Variants in UHMK1 observed in about 807,000 individuals in gnomAD.
UHMK1 encodes the protein U2AF homology motif kinase 1.
A neutral mutation model predicts 44.0 loss-of-function variants in UHMK1; 18 were observed. The ratio of observed to expected loss-of-function variants is 0.41; its 90% CI spans 0.28 to 0.61. The LOEUF (loss-of-function observed/expected upper bound fraction) is 0.61, where lower values mean the gene tolerates loss of function less well. Ranked by LOEUF, UHMK1 falls within the 20% of genes least tolerant of loss-of-function variation. The pLI is 0.31. For missense variants in UHMK1, 463 were observed against 522.5 expected (o/e 0.89, Z 1.11); for synonymous variants, 231 against 198.5 (o/e 1.16, Z -1.38).
intron 4 of UHMK1, among the ~76,000 whole-genome samples, chr1:162,505,419 AAT>A (rs3035613): frequency 0.46 from 69,633 of 151,880 alleles, 15,982 homozygotes; most frequent in East Asian, 0.48. Flanking sequence ...GGAATAAAAA[AAT>A]ATATAGTTAT....
In UHMK1 at chr1:162,503,830, T is replaced by C; in HGVS notation, c.830T>C (p.Leu277Pro). The change falls in exon 4 of 8, where the codon CTA (leucine) becomes CCA (proline). Residue 277 changes from leucine (L) to proline (P), a missense_variant. Coordinates refer to ENST00000489294, the MANE Select transcript of UHMK1 (RefSeq NM_175866.5). ...AATGCCGCAATTCCAGCCTATCACC[T>C]AAGAGACCTTATCAAAAGGTATGTT... is the stretch of plus-strand genomic sequence containing the variant. ...VVNAAIPAYH[L>P]RDLIKSMLHD... The C allele has an allele frequency of 3.7e-6, 6 of 1,614,106 alleles. No homozygotes were observed. Among genetic ancestry groups the C allele is most frequent in the Non-Finnish European group, 5.1e-6 (6 of 1,179,964 alleles).
rs1443414892 is a variant in UHMK1, at chr1:162,526,893, T to C, written c.*4343T>C. ...TAGCTCTGTGATATAATTTCATTTC[T>C]TGTCAATTATGGTCACATATAGACA... On this transcript the variant is annotated 3_prime_UTR_variant, in exon 8 of 8. Transcript: ENST00000489294. The C allele has an allele frequency of 2.0e-5, 3 of 152,148 alleles. No homozygotes were observed. Among genetic ancestry groups the C allele is most frequent in the African/African-American group, 7.2e-5 (3 of 41,458 alleles). The allele number at this position is 152,148 out of a possible 1,614,324, so 9.4% of individuals were successfully genotyped here.
chr1:162,505,211 A>T (rs1379810175), intron 4 of UHMK1, among the ~76,000 whole-genome samples: 4 of 152,230 alleles, frequency 2.6e-5, no homozygotes, highest in African/African-American at 9.6e-5. Flanking sequence ...GCCTAGACCT[A>T]CACAGGGTCA....
chr1:162,515,494 A>G (rs1036003397), intron 6 of UHMK1, among the ~76,000 whole-genome samples: 1 of 152,210 alleles, frequency 6.6e-6, no homozygotes, highest in Non-Finnish European at 1.5e-5. Flanking sequence ...TCATATCCCT[A>G]CAGTGTAGTG....
At position 162,500,899 on chromosome 1, in the gene UHMK1, C is replaced by G. The variant is rs1651242930; in HGVS notation, c.562-14C>G. On this transcript the variant is annotated splice_polypyrimidine_tract_variant and intron_variant, in intron 2 of 7. Transcript: ENST00000489294. ...GCTTTTTTATTGGTTGTAATATTTA[C>G]TCATCTTTTTTAGGATGTAAAGTAT... 6.2e-7 allele frequency: 1 copy of G among 1,605,578 alleles called. No individual in the cohort carries two copies. Among genetic ancestry groups the G allele is most frequent in the African/African-American group, 1.3e-5 (1 of 74,666 alleles).
In UHMK1 at chr1:162,526,339, A is replaced by G. The variant is rs1202688343; in HGVS notation, c.*3789A>G. 1 of 152,036 alleles carries G rather than the reference A, an allele frequency of 6.6e-6. No individual in the cohort carries two copies. Among genetic ancestry groups the G allele is most frequent in the Non-Finnish European group, 1.5e-5 (1 of 67,998 alleles). The allele number at this position is 152,036 out of a possible 1,614,324, so 9.4% of individuals were successfully genotyped here. ...ACCATTGTAAATGATAGTAATTGTA[A>G]CAACATAGTTACTGGGTGAAGGAGT... On this transcript the variant is annotated 3_prime_UTR_variant, in exon 8 of 8. Coordinates refer to ENST00000489294, the MANE Select transcript of UHMK1 (RefSeq NM_175866.5).
chr1:162,505,749 A>C (rs1651445693), intron 4 of UHMK1, among the ~76,000 whole-genome samples: 1 of 152,262 alleles, frequency 6.6e-6, no homozygotes, highest in Non-Finnish European at 1.5e-5. Context: ...TAAAATAATT[A>C]GTATGCTAGA....
chr1:162,529,542 G>C lies in UHMK1; in HGVS notation c.*6992G>C, dbSNP rs1040314526. On this transcript the variant is annotated 3_prime_UTR_variant, in exon 8 of 8. Transcript: ENST00000489294. ...TTTGTTGTAAACTGACTTACCATAA[G>C]ATGCACTGTTGATAATGCTTTCTGA... 6.6e-6 allele frequency: 1 copy of C among 152,104 alleles called. No homozygotes were observed. The highest frequency in any genetic ancestry group is 2.4e-5 in the African/African-American group (1 of 41,430). The allele number at this position is 152,104 out of a possible 1,614,324, so 9.4% of individuals were successfully genotyped here.
At chr1:162,501,662 T>C (rs1651273145) in intron 3 of UHMK1, among the ~76,000 whole-genome samples, 1 of 152,222 alleles carries the variant, frequency 6.6e-6, no homozygotes, top group Non-Finnish European at 1.5e-5. Context: ...AATGAATGCA[T>C]TTTCCTGAAG....
rs1652285670 is a variant in UHMK1, at chr1:162,527,316, ATATTT to A, written c.*4767_*4771del. The A allele has an allele frequency of 2.0e-5, 3 of 152,066 alleles. No homozygotes were observed. Among genetic ancestry groups the A allele is most frequent in the Admixed American group, 1.3e-4 (2 of 15,268 alleles). 9.4% of individuals were successfully genotyped at this position (152,066 alleles called of 1,614,324 possible). Reference sequence around the variant, plus strand: ...AGCATGTACTTGACAAGTGCCATGGATATTTAAGAAGAAGGTAAATAATTTTAATA... The same window carrying A: ...AGCATGTACTTGACAAGTGCCATGGAAAGAAGAAGGTAAATAATTTTAATA... On this transcript the variant is annotated 3_prime_UTR_variant, in exon 8 of 8. Transcript: ENST00000489294.
At chr1:162,509,634 A>G (rs557273740) in intron 4 of UHMK1, among the ~76,000 whole-genome samples, 1 of 152,230 alleles carries the variant, frequency 6.6e-6, no homozygotes, top group East Asian at 1.9e-4. Flanking sequence ...TTGGCACTAT[A>G]GGTTTTTTTT....
At chr1:162,505,180 CTG>C (rs535356191) in intron 4 of UHMK1, among the ~76,000 whole-genome samples, 224 of 150,844 alleles carry the variant, frequency 1.5e-3, no homozygotes, top group Non-Finnish European at 2.6e-3. Flanking sequence ...TTGTTAAAAA[CTG>C]AGACACAAGC....
intron 6 of UHMK1, 45 bp from the exon 7 acceptor site, chr1:162,518,057 G>A: frequency 7.3e-7 from 1 of 1,364,676 alleles, no homozygotes; most frequent in Non-Finnish European, 1.0e-6. Flanking sequence ...TTGAATACTT[G>A]TTTATTATAT....
At chr1:162,522,328 A>G (rs1571021234) in intron 7 of UHMK1, 76 bp from the exon 8 acceptor site, 1 of 1,495,134 alleles carries the variant, frequency 6.7e-7, no homozygotes. Context: ...TGATGTATAT[A>G]TATTAAAGGT....
intron 4 of UHMK1, among the ~76,000 whole-genome samples, chr1:162,506,478 C>A (rs1651472841): frequency 6.6e-6 from 1 of 152,060 alleles, no homozygotes; most frequent in Admixed American, 6.5e-5. Context: ...GAACATTGTA[C>A]CCATCTTGTA....
chr1:162,508,793 A>G (rs940733784), intron 4 of UHMK1, among the ~76,000 whole-genome samples: 2 of 150,536 alleles, frequency 1.3e-5, no homozygotes, highest in Non-Finnish European at 3.0e-5. Flanking sequence ...TGTACAATAG[A>G]TACTTTTCTT....
intron 3 of UHMK1, among the ~76,000 whole-genome samples, chr1:162,501,553 CTA>C (rs1651268752): frequency 6.6e-6 from 1 of 152,216 alleles, no homozygotes; most frequent in African/African-American, 2.4e-5. Context: ...TTGAATGCCA[CTA>C]CCAACTCCTA....
In UHMK1 at chr1:162,524,157, A is replaced by G. The variant is rs1571022757; in HGVS notation, c.*1607A>G. ...CTTTCCCTGCTGGAAGCCTCCTCAT[A>G]TTTCCTTATGTTTGCCATGCAGGTT... On this transcript the variant is annotated 3_prime_UTR_variant, in exon 8 of 8. Coordinates refer to ENST00000489294, the MANE Select transcript of UHMK1 (RefSeq NM_175866.5). 2 of 152,042 alleles carry G rather than the reference A, an allele frequency of 1.3e-5. No homozygotes were observed. Among genetic ancestry groups the G allele is most frequent in the South Asian group, 2.1e-4 (1 of 4,822 alleles). The allele number at this position is 152,042 out of a possible 1,614,324, so 9.4% of individuals were successfully genotyped here.
chr1:162,504,669 TTCAG>T (rs961784726), intron 4 of UHMK1, among the ~76,000 whole-genome samples: 4 of 152,202 alleles, frequency 2.6e-5, no homozygotes, highest in African/African-American at 9.7e-5. Context: ...CTCTGGGTAA[TTCAG>T]TGAGTGAGTG....
Sources: gnomAD v4.1 joint callset for allele counts (sites outside exome capture counted in the v4.1 genomes callset) on GRCh38, gnomAD v4.1.1 for gene constraint, MANE v1.5 for transcripts, NCBI Gene and HGNC (gene_info 2026-07-23, HGNC 2026-07-21) for gene names.